CALN1: variants seen among roughly 807,000 people sequenced by gnomAD.
The protein encoded by CALN1 is calneuron 1, also known as calcium-binding protein 8.
In CALN1, 17 loss-of-function variants were observed where a neutral mutation model predicts 30.6. The observed-to-expected ratio is 0.56, with a 90% CI of 0.38 to 0.83. The LOEUF (loss-of-function observed/expected upper bound fraction) is 0.83. CALN1 is among the 40% of genes least tolerant of loss of function. The probability of loss-of-function intolerance (pLI) is 0.00; values close to 1 mark genes in which losing one functional copy is unlikely to be tolerated. For synonymous variants in CALN1, 156 were observed against 131.4 expected (o/e 1.19, Z -1.28); for missense variants, 291 against 354.9 (o/e 0.82, Z 1.45).
chr7:72,011,854 C>T (rs1800100257), intron 5 of CALN1, among the ~76,000 whole-genome samples: 1 of 152,058 alleles, frequency 6.6e-6, no homozygotes, highest in Non-Finnish European at 1.5e-5. Context: ...GTTGCCCACA[C>T]TGGTCTTGAA....
At chr7:72,389,468 A>T (rs114055106) in intron 2 of CALN1, among the ~76,000 whole-genome samples, 101 of 152,346 alleles carry the variant, frequency 6.6e-4, no homozygotes, top group African/African-American at 2.3e-3. Context: ...TAGGAAAAGA[A>T]TTCAAAAATC....
At chr7:72,111,189 G>C (rs1807550823) in intron 3 of CALN1, among the ~76,000 whole-genome samples, 1 of 152,176 alleles carries the variant, frequency 6.6e-6, no homozygotes, top group Admixed American at 6.5e-5. Context: ...AGATGTCTTT[G>C]TGGGCCACAG....
intron 3 of CALN1, among the ~76,000 whole-genome samples, chr7:72,202,999 T>C (rs983769561): frequency 6.6e-6 from 1 of 152,122 alleles, no homozygotes; most frequent in Admixed American, 6.6e-5. Flanking sequence ...TGGAATACTA[T>C]GCAGCCATAA....
intron 5 of CALN1, among the ~76,000 whole-genome samples, chr7:71,919,419 G>C (rs1794827526): frequency 6.6e-6 from 1 of 152,210 alleles, no homozygotes; most frequent in Non-Finnish European, 1.5e-5. Flanking sequence ...ATTTCATTCA[G>C]CATGGATTGA....
At chr7:72,348,279 G>A (rs978600577) in intron 2 of CALN1, among the ~76,000 whole-genome samples, 18 of 152,180 alleles carry the variant, frequency 1.2e-4, no homozygotes, top group African/African-American at 4.1e-4. Context: ...TGTGATCCAC[G>A]TGAGAAGAGG....
At chr7:72,011,455 G>C (rs1374172568) in intron 5 of CALN1, among the ~76,000 whole-genome samples, 1 of 152,198 alleles carries the variant, frequency 6.6e-6, no homozygotes, top group East Asian at 1.9e-4. Flanking sequence ...GCTCCTCCAG[G>C]ACACCATCCC....
chr7:72,059,772 G>A (rs902775176), intron 4 of CALN1, among the ~76,000 whole-genome samples: 7 of 152,012 alleles, frequency 4.6e-5, no homozygotes, highest in African/African-American at 1.7e-4. Context: ...CATTTATGAT[G>A]AAACATTCAA....
chr7:72,038,702 G>GC (rs1020325238), intron 4 of CALN1, among the ~76,000 whole-genome samples: 1 of 152,102 alleles, frequency 6.6e-6, no homozygotes, highest in Non-Finnish European at 1.5e-5. Flanking sequence ...ACCAGCCAAA[G>GC]CCCACCAAAA....
chr7:72,293,529 G>A (rs939176002), intron 2 of CALN1, among the ~76,000 whole-genome samples: 1 of 152,140 alleles, frequency 6.6e-6, no homozygotes, highest in African/African-American at 2.4e-5. Flanking sequence ...TCAGTCAGCA[G>A]CCTATTGCCA....
At chr7:71,818,157 G>A (rs1002974818) in intron 5 of CALN1, among the ~76,000 whole-genome samples, 2 of 152,110 alleles carry the variant, frequency 1.3e-5, no homozygotes, top group African/African-American at 2.4e-5. Context: ...CTGTGGGAGG[G>A]AAGCCAGGAT....
In CALN1 at chr7:72,114,309, G is replaced by GAAGGGAAGGGAAGGGAAGGC. The variant is rs1350961654; in HGVS notation, c.245-8016_245-8015insGCCTTCCCTTCCCTTCCCTT. Among the ~76,000 whole-genome samples the GAAGGGAAGGGAAGGGAAGGC allele has an allele frequency of 5.4e-4, 53 of 97,962 alleles. 1 individual carries two copies. Among genetic ancestry groups the GAAGGGAAGGGAAGGGAAGGC allele is most frequent in the African/African-American group, 1.1e-3 (29 of 26,414 alleles). The allele number at this position is 97,962 out of a possible 152,430, so 64.3% of individuals were successfully genotyped here. ...GAAGGGAAGGGAAGGGAAGGGAAGG[G>GAAGGGAAGGGAAGGGAAGGC]AAGGCAACACTGTAGTTTACGTGAT... On this transcript the variant is annotated intron_variant, in intron 3 of 6. Coordinates refer to ENST00000395275, the MANE Select transcript of CALN1 (RefSeq NM_031468.4).
chr7:71,834,348 TAAAA>T (rs60091117), intron 5 of CALN1, among the ~76,000 whole-genome samples: 34,675 of 89,038 alleles, frequency 0.39, 5,225 homozygotes, highest in South Asian at 0.52. Context: ...CGATCCACCC[TAAAA>T]AAAAAAAAAA....
intron 3 of CALN1, among the ~76,000 whole-genome samples, chr7:72,270,375 T>C (rs1242834422): frequency 2.0e-5 from 3 of 152,184 alleles, no homozygotes; most frequent in African/African-American, 4.8e-5. Flanking sequence ...TATTCACTTT[T>C]ACTTTCCAAA....
intron 3 of CALN1, among the ~76,000 whole-genome samples, chr7:72,130,764 T>C (rs1809085227): frequency 6.6e-6 from 1 of 152,180 alleles, no homozygotes; most frequent in Non-Finnish European, 1.5e-5. Flanking sequence ...ACAAGTAAAA[T>C]TTGTGATTGT....
chr7:71,926,844 T>G (rs1038415342), intron 5 of CALN1, among the ~76,000 whole-genome samples: 2 of 152,208 alleles, frequency 1.3e-5, no homozygotes, highest in African/African-American at 4.8e-5. Flanking sequence ...AAGATTTTCT[T>G]TAGACTCTTT....
chr7:72,230,334 A>G (rs977322371), intron 3 of CALN1, among the ~76,000 whole-genome samples: 1 of 124,004 alleles, frequency 8.1e-6, no homozygotes, highest in Non-Finnish European at 1.6e-5. Context: ...TGTCTCTACA[A>G]TAGATACTAA....
At chr7:72,398,564 C>T (rs1317669942) in intron 2 of CALN1, among the ~76,000 whole-genome samples, 2 of 152,190 alleles carry the variant, frequency 1.3e-5, no homozygotes, top group Non-Finnish European at 2.9e-5. Flanking sequence ...ATTTAGCTGG[C>T]ATTTGTTGAA....
intron 1 of CALN1, among the ~76,000 whole-genome samples, chr7:72,420,621 C>CTTT (rs1162542514): frequency 7.6e-5 from 10 of 131,304 alleles, no homozygotes; most frequent in South Asian, 5.0e-4. Context: ...CTGGATGCAT[C>CTTT]TTTTTTTTTT....
chr7:71,999,718 G>A (rs990113990), intron 5 of CALN1, among the ~76,000 whole-genome samples: 42 of 151,802 alleles, frequency 2.8e-4, no homozygotes, highest in South Asian at 4.2e-4. Context: ...TTTTGCCGTC[G>A]GCCAGGCTGG....
Sources: gnomAD v4.1 joint callset for allele counts (sites outside exome capture counted in the v4.1 genomes callset) on GRCh38, gnomAD v4.1.1 for gene constraint, MANE v1.5 for transcripts, NCBI Gene and HGNC (gene_info 2026-07-23, HGNC 2026-07-21) for gene names.